HHAT: variants seen among roughly 807,000 people sequenced by gnomAD.
The protein encoded by HHAT is protein-cysteine N-palmitoyltransferase HHAT.
In HHAT, 47 loss-of-function variants were observed where a neutral mutation model predicts 70.8. The ratio of observed to expected loss-of-function variants is 0.66; its 90% confidence interval spans 0.53 to 0.85. The LOEUF is 0.85. HHAT is among the 40% of genes least tolerant of loss of function. The probability of loss-of-function intolerance (pLI) is 0.00; values close to 1 mark genes in which losing one functional copy is unlikely to be tolerated. For synonymous variants in HHAT, 228 were observed against 247.6 expected (o/e 0.92, Z 0.74); for missense variants, 609 against 604.8 (o/e 1.01, Z -0.07).
At chr1:210,539,245 A>G (rs754735837) in intron 9 of HHAT, among the ~76,000 whole-genome samples, 1 of 152,216 alleles carries the variant, frequency 6.6e-6, no homozygotes, top group African/African-American at 2.4e-5. Context: ...CAGGCCAAAA[A>G]AACAGTGGAA....
intron 5 of HHAT, 122 bp downstream of exon 5, chr1:210,400,784 T>G (rs2092029775): frequency 1.2e-6 from 1 of 849,852 alleles, no homozygotes; most frequent in African/African-American, 1.7e-5. Context: ...GGGCTCCCCA[T>G]AGTGGCCGTA....
intron 11 of HHAT, among the ~76,000 whole-genome samples, chr1:210,656,648 C>T (rs1193975795): frequency 6.6e-6 from 1 of 152,206 alleles, no homozygotes; most frequent in African/African-American, 2.4e-5. Flanking sequence ...CCAGGGTTTC[C>T]ACGTGGGTTT....
chr1:210,482,439 G>A (rs904723770), intron 8 of HHAT, among the ~76,000 whole-genome samples: 2 of 152,126 alleles, frequency 1.3e-5, no homozygotes, highest in African/African-American at 4.8e-5. Context: ...AGCCTTACAC[G>A]TTCAAATTAT....
In HHAT at chr1:210,410,523, A is replaced by ATTTTT. The variant is rs35608235; in HGVS notation, c.684+5862_684+5866dup. On this transcript the variant is annotated intron_variant, in intron 6 of 11. Transcript: ENST00000261458. The stretch of plus-strand genomic sequence containing the variant: ...CTTTTGCTGTGTTGTTTATTTGTAA[A>ATTTTT]TTTTTTTTTTTTTTTTTTTTTTAAG... Among the ~76,000 whole-genome samples, 325 of 116,378 alleles carry ATTTTT rather than the reference A, an allele frequency of 2.8e-3. 5 individuals carry two copies. The highest frequency in any genetic ancestry group is 3.5e-3 in the Non-Finnish European group (212 of 60,052). 76.3% of individuals were successfully genotyped at this position (116,378 alleles called of 152,430 possible).
intron 10 of HHAT, among the ~76,000 whole-genome samples, chr1:210,614,938 G>T (rs1667367702): frequency 6.6e-6 from 1 of 152,260 alleles, no homozygotes; most frequent in African/African-American, 2.4e-5. Context: ...GTAATGGGAT[G>T]GCTGGGTCAA....
At chr1:210,440,481 A>G (rs966475792) in intron 7 of HHAT, among the ~76,000 whole-genome samples, 1 of 151,778 alleles carries the variant, frequency 6.6e-6, no homozygotes, top group Non-Finnish European at 1.5e-5. Flanking sequence ...TGGGTGAGGT[A>G]GCTTTCCTGA....
intron 10 of HHAT, among the ~76,000 whole-genome samples, chr1:210,603,196 T>C (rs538284030): frequency 6.6e-6 from 1 of 152,260 alleles, no homozygotes; most frequent in East Asian, 1.9e-4. Flanking sequence ...TTCTTATACC[T>C]TCTCCCTGCT....
chr1:210,356,496 C>T (rs943443920), intron 2 of HHAT, among the ~76,000 whole-genome samples: 3 of 151,752 alleles, frequency 2.0e-5, no homozygotes, highest in African/African-American at 4.8e-5. Flanking sequence ...TTTTCTGGTG[C>T]GAAGTATTTA....
chr1:210,329,121 C>G lies in HHAT; in HGVS notation c.-44+17C>G. On this transcript the variant is annotated intron_variant, in intron 1 of 11. Coordinates refer to ENST00000261458, the MANE Select transcript of HHAT (RefSeq NM_018194.6). ...AGCCCGGAGGTTGGTAACTGGTGAC[C>G]ATAGGGGGTCCTGGGGAGGTTAGAT... The G allele has an allele frequency of 7.4e-7, 1 of 1,359,136 alleles. No homozygotes were observed. The highest frequency in any genetic ancestry group is 9.5e-7 in the Non-Finnish European group (1 of 1,054,312). The allele number at this position is 1,359,136 out of a possible 1,614,324, so 84.2% of individuals were successfully genotyped here.
chr1:210,418,372 C>T, intron 7 of HHAT, 47 bp downstream of exon 7: 1 of 1,511,716 alleles, frequency 6.6e-7, no homozygotes, highest in Non-Finnish European at 8.9e-7. Context: ...AATAGTCCAA[C>T]AGTTAGCATC....
At position 210,674,359 on chromosome 1, in the gene HHAT, CA is replaced by C. The variant is rs779761629; in HGVS notation, c.1463del (p.Gln488ArgfsTer23). ...CYSHVGIAWA[Q>X]TYATD The stretch of plus-strand genomic sequence containing the variant: ...CTCCCACGTGGGCATTGCCTGGGCC[CA>C]GACCTACGCCACGGACTAATGCTGT... On this transcript the variant is annotated frameshift_variant, in exon 12 of 12. Coordinates refer to ENST00000261458, the MANE Select transcript of HHAT (RefSeq NM_018194.6). LOFTEE classifies it high-confidence loss of function. 7 of 1,614,128 alleles carry C rather than the reference CA, an allele frequency of 4.3e-6. No individual in the cohort carries two copies. In the Admixed American group the frequency reaches 1.2e-4, roughly 27 times the overall value.
chr1:210,609,488 T>C (rs1186186229), intron 10 of HHAT, among the ~76,000 whole-genome samples: 1 of 152,204 alleles, frequency 6.6e-6, no homozygotes, highest in African/African-American at 2.4e-5. Flanking sequence ...AGCATAGTTT[T>C]TATGGTAACT....
chr1:210,521,271 C>G (rs1182157733), intron 9 of HHAT, among the ~76,000 whole-genome samples: 2 of 152,124 alleles, frequency 1.3e-5, no homozygotes, highest in African/African-American at 4.8e-5. Flanking sequence ...TTTTATTCTC[C>G]TGGAGGTTGG....
intron 11 of HHAT, among the ~76,000 whole-genome samples, chr1:210,635,078 C>A (rs891926279): frequency 6.6e-6 from 1 of 152,200 alleles, no homozygotes; most frequent in Non-Finnish European, 1.5e-5. Context: ...AGCCAAACTT[C>A]TAGCTATCAC....
intron 11 of HHAT, among the ~76,000 whole-genome samples, chr1:210,662,559 A>G (rs905348924): frequency 6.6e-6 from 1 of 152,222 alleles, no homozygotes; most frequent in African/African-American, 2.4e-5. Flanking sequence ...ATGACTGTGC[A>G]GCCTCTGGCT....
intron 10 of HHAT, among the ~76,000 whole-genome samples, chr1:210,621,115 C>T (rs1260929980): frequency 6.6e-6 from 1 of 152,170 alleles, no homozygotes; most frequent in Non-Finnish European, 1.5e-5. Flanking sequence ...GTATCAGCTC[C>T]ACAGTCCTGC....
chr1:210,447,086 T>A (rs1270479367), intron 7 of HHAT, among the ~76,000 whole-genome samples: 1 of 152,252 alleles, frequency 6.6e-6, no homozygotes, highest in Non-Finnish European at 1.5e-5. Context: ...AATAGACTCA[T>A]TTGGGGTCTG....
intron 6 of HHAT, among the ~76,000 whole-genome samples, chr1:210,408,685 A>G (rs1357009214): frequency 6.6e-6 from 1 of 152,142 alleles, no homozygotes; most frequent in African/African-American, 2.4e-5. Flanking sequence ...CTGCTGCAGG[A>G]AAGGGATGGG....
At chr1:210,486,512 G>A (rs1051074529) in intron 8 of HHAT, among the ~76,000 whole-genome samples, 2 of 152,164 alleles carry the variant, frequency 1.3e-5, no homozygotes, top group African/African-American at 2.4e-5. Context: ...CTGCAGCTCT[G>A]TGTACTTACC....
Sources: allele counts gnomAD v4.1 joint callset (sites outside exome capture counted in the v4.1 genomes callset), GRCh38; gene constraint gnomAD v4.1.1; transcripts MANE v1.5; gene names NCBI Gene and HGNC (gene_info 2026-07-23, HGNC 2026-07-21).